TTC23L: variants seen among roughly 807,000 people sequenced by gnomAD.
The protein encoded by TTC23L is tetratricopeptide repeat domain 23 like.
A neutral mutation model predicts 48.1 loss-of-function variants in TTC23L; 42 were observed. That is an observed-to-expected ratio of 0.87 (90% CI 0.68 to 1.13). The LOEUF is 1.13. Ranked by LOEUF, TTC23L falls within the 50% of genes most tolerant of loss-of-function variation. The pLI, the probability that TTC23L is intolerant of heterozygous loss-of-function variation, is 0.00. For missense variants in TTC23L, 391 were observed against 421.0 expected, an observed-to-expected ratio of 0.93 and a Z score of 0.62; for synonymous variants, 159 against 157.2, an observed-to-expected ratio of 1.01 and a Z score of -0.09.
the TTC23L span, chr5:34,913,588 G>A: frequency 4.7e-6 from 7 of 1,500,872 alleles, no homozygotes; most frequent in Middle Eastern, 7.0e-4. Context: ...CCTATGAAAA[G>A]AGTAAAAATG....
the TTC23L span, among the ~76,000 whole-genome samples, chr5:34,924,199 G>A: frequency 6.6e-6 from 1 of 152,202 alleles, no homozygotes; most frequent in African/African-American, 2.4e-5. Flanking sequence ...GATAAGTGCA[G>A]AAAGATGAAG....
At chr5:34,840,719 C>T (rs1307845253) in exon 2 of TTC23L, 2 of 1,613,934 alleles carry the variant, frequency 1.2e-6, no homozygotes, top group East Asian at 4.5e-5. Flanking sequence ...ATGACATCGA[C>T]TGGGATTTCT....
At chr5:34,847,245 A>G (rs1312009995) in intron 3 of TTC23L, among the ~76,000 whole-genome samples, 2 of 152,186 alleles carry the variant, frequency 1.3e-5, no homozygotes, top group Non-Finnish European at 2.9e-5. Flanking sequence ...CCTGGCCTGG[A>G]CCCATTAGTG....
At chr5:34,922,739 G>C in the TTC23L span, 4 of 1,614,026 alleles carry the variant, frequency 2.5e-6, no homozygotes, top group South Asian at 4.4e-5. Flanking sequence ...CTGTTTGAAA[G>C]GTTCTCGGCC....
At chr5:34,911,956 C>T in the TTC23L span, 4 of 970,018 alleles carry the variant, frequency 4.1e-6, no homozygotes, top group Non-Finnish European at 6.2e-6. Context: ...AAAGGGATGA[C>T]ATCTTCCCTG....
chr5:34,869,173 C>T, intron 8 of TTC23L, 160 bp downstream of exon 8: 1 of 576,586 alleles, frequency 1.7e-6, no homozygotes, highest in South Asian at 2.0e-5. Flanking sequence ...TAATTTAAAC[C>T]TGATAATATA....
At chr5:34,914,728 A>G in the TTC23L span, 45 of 1,614,092 alleles carry the variant, frequency 2.8e-5, no homozygotes, top group African/African-American at 5.2e-4. Context: ...CACACTTTGC[A>G]TTTTCCACTG....
intron 9 of TTC23L, among the ~76,000 whole-genome samples, chr5:34,884,496 G>T (rs1408665588): frequency 6.6e-6 from 1 of 151,578 alleles, no homozygotes; most frequent in Non-Finnish European, 1.5e-5. Flanking sequence ...ATGACATGAT[G>T]TTATGTAGAA....
chr5:34,922,172 C>T, the TTC23L span: 1 of 1,101,858 alleles, frequency 9.1e-7, no homozygotes, highest in East Asian at 2.4e-5. Flanking sequence ...CTTTAGTTCT[C>T]ATTTATATTA....
intron 9 of TTC23L, among the ~76,000 whole-genome samples, chr5:34,886,491 G>A (rs1762552442): frequency 1.3e-5 from 2 of 151,904 alleles, no homozygotes; most frequent in Non-Finnish European, 2.9e-5. Context: ...TTCATAATAC[G>A]GGCAGGATCT....
chr5:34,853,102 C>T (rs2150367737), intron 4 of TTC23L, among the ~76,000 whole-genome samples: 1 of 152,220 alleles, frequency 6.6e-6, no homozygotes, highest in African/African-American at 2.4e-5. Context: ...TAAACCATAT[C>T]ATGGAGGAAG....
intron 9 of TTC23L, chr5:34,883,423 T>G (rs1266915542): frequency 6.5e-6 from 1 of 153,752 alleles, no homozygotes; most frequent in Non-Finnish European, 1.5e-5. Flanking sequence ...AAGAGATAGT[T>G]CCCTGGGTTC....
chr5:34,883,382 A>G (rs893353974), intron 9 of TTC23L: 3 of 152,402 alleles, frequency 2.0e-5, no homozygotes, highest in Non-Finnish European at 4.4e-5. Flanking sequence ...GAAACTTCTG[A>G]AAGAAAATGG....
chr5:34,868,558 T>A (rs1761225732), intron 7 of TTC23L: 1 of 184,132 alleles, frequency 5.4e-6, no homozygotes, highest in Non-Finnish European at 1.2e-5. Context: ...GATTTACATT[T>A]ACAAGACTGC....
the TTC23L span, chr5:34,918,322 G>C: frequency 5.8e-6 from 6 of 1,037,596 alleles, no homozygotes; most frequent in African/African-American, 9.6e-5. Context: ...GATCAGTTCA[G>C]TATAAGATTT....
the TTC23L span, chr5:34,922,789 A>G: frequency 3.1e-6 from 5 of 1,601,262 alleles, no homozygotes; most frequent in East Asian, 8.9e-5. Context: ...CATTCAGTGT[A>G]TGAGGTCTAA....
At chr5:34,883,205 A>T (rs544038394) in intron 9 of TTC23L, 6 of 159,824 alleles carry the variant, frequency 3.8e-5, no homozygotes, top group Non-Finnish European at 8.3e-5. Flanking sequence ...GCATTGTCCA[A>T]AAGGGAATAC....
chr5:34,925,164 T>C, the TTC23L span: 1 of 1,475,086 alleles, frequency 6.8e-7, no homozygotes, highest in East Asian at 2.5e-5. Context: ...TGAAAGTCTT[T>C]GCCTTATATA....
chr5:34,909,027 A>G, the TTC23L span: 2 of 1,275,840 alleles, frequency 1.6e-6, no homozygotes, highest in South Asian at 1.3e-5. Flanking sequence ...GATAAAAAGT[A>G]GCAAATCTAA....
Sources: gnomAD v4.1 joint callset for allele counts (sites outside exome capture counted in the v4.1 genomes callset) on GRCh38, gnomAD v4.1.1 for gene constraint, MANE v1.5 for transcripts, NCBI Gene and HGNC (gene_info 2026-07-23, HGNC 2026-07-21) for gene names.